The following LPCAT3 variants were observed in gnomAD, a reference collection of about 807,000 sequenced individuals.
LPCAT3 encodes the protein lysophosphatidylcholine acyltransferase 3.
A neutral mutation model predicts 63.4 loss-of-function variants in LPCAT3; 21 were observed. The ratio of observed to expected loss-of-function variants is 0.33; its 90% CI spans 0.23 to 0.48. The LOEUF is 0.48. LPCAT3 is among the 20% of genes least tolerant of loss of function. LPCAT3 has a pLI of 0.99. For missense variants in LPCAT3, 451 were observed against 590.6 expected, an observed-to-expected ratio of 0.76 and a Z score of 2.45; for synonymous variants, 242 against 227.5, an observed-to-expected ratio of 1.06 and a Z score of -0.58.
chr12:6,996,321 G>A (rs1946635643), intron 1 of LPCAT3, among the ~76,000 whole-genome samples: 1 of 152,166 alleles, frequency 6.6e-6, no homozygotes, highest in Admixed American at 6.5e-5. Flanking sequence ...AAGTATCAGT[G>A]AGGACTTCCC....
intron 1 of LPCAT3, among the ~76,000 whole-genome samples, chr12:6,989,164 C>T (rs1341840385): frequency 2.0e-5 from 3 of 151,838 alleles, no homozygotes; most frequent in Non-Finnish European, 2.9e-5. Context: ...TGTAACTGTT[C>T]CTTCTTTTTG....
At position 6,977,524 on chromosome 12, in the gene LPCAT3, G is replaced by A; in HGVS notation, c.1190C>T (p.Ala397Val). ...EFLIVIVERQ[A>V]ARLIQESPTL... ...GGGGCTCTCTTGAATGAGCCTGGCA[G>A]CCTGGGGAGGGAGGAGGAGCTCATC... Residue 397 changes from alanine to valine, a missense_variant and splice_region_variant, in exon 11 of 13, where the codon GCT becomes GTT. Transcript: ENST00000261407. The surrounding 1 kb of genome is among the most constrained non-coding windows in gnomAD (Gnocchi z 4.5). The A allele has an allele frequency of 6.2e-7, 1 of 1,614,194 alleles. No homozygotes were observed.
Position 6,982,796 on chromosome 12 carries a change from G to A in LPCAT3, c.260-14C>T, listed in dbSNP as rs782518117. ...AGAGCTGGTTTCCTGGATGCAAGAA[G>A]AGAGAATTTAGCCTGGTTTTTACAC... is the stretch of plus-strand genomic sequence containing the variant. On this transcript the variant is annotated splice_polypyrimidine_tract_variant and intron_variant, in intron 2 of 12. Coordinates refer to ENST00000261407, the MANE Select transcript of LPCAT3 (RefSeq NM_005768.6). The A allele has an allele frequency of 2.5e-6, 4 of 1,577,658 alleles. No individual in the cohort carries two copies. The highest frequency in any genetic ancestry group is 3.5e-6 in the Non-Finnish European group (4 of 1,147,510).
rs145148905 is a variant in LPCAT3 at position 6,998,895 on chromosome 12, G to A, written c.152-15356C>T. On this transcript the variant is annotated intron_variant, in intron 1 of 12. Transcript: ENST00000261407. ...GTAGATAAGAGACTAAGGTCCAAAG[G>A]GGATAACTGGCATGCCCAAGGTTAA... 1.2e-3 allele frequency among the ~76,000 whole-genome samples: 187 copies of A among 152,314 alleles called. 1 individual carries two copies. Among genetic ancestry groups the A allele is most frequent in the African/African-American group, 4.3e-3 (178 of 41,570 alleles).
chr12:7,009,009 T>C (rs1335268258), intron 1 of LPCAT3, among the ~76,000 whole-genome samples: 1 of 152,208 alleles, frequency 6.6e-6, no homozygotes, highest in Non-Finnish European at 1.5e-5. Context: ...CTGTCAGGCC[T>C]ACAAATGGGA....
intron 1 of LPCAT3, among the ~76,000 whole-genome samples, chr12:7,004,898 C>T (rs958828785): frequency 6.6e-6 from 1 of 152,196 alleles, no homozygotes; most frequent in African/African-American, 2.4e-5. Context: ...TATTCTATCC[C>T]TACTTGAGCA....
intron 1 of LPCAT3, among the ~76,000 whole-genome samples, chr12:6,984,507 T>G (rs1206858314): frequency 6.6e-6 from 1 of 152,262 alleles, no homozygotes; most frequent in African/African-American, 2.4e-5. Flanking sequence ...AACTGCTTTT[T>G]GGAAAGACAT....
intron 1 of LPCAT3, among the ~76,000 whole-genome samples, chr12:7,001,950 G>A (rs140587906): frequency 6.6e-6 from 1 of 152,316 alleles, no homozygotes; most frequent in South Asian, 2.1e-4. Context: ...TGGGAGTCGG[G>A]GGGGAGTTGA....
intron 1 of LPCAT3, among the ~76,000 whole-genome samples, chr12:6,984,351 A>G (rs1555154545): frequency 6.6e-6 from 1 of 152,216 alleles, no homozygotes; most frequent in Non-Finnish European, 1.5e-5. Flanking sequence ...AAAACGGTCA[A>G]TAAAATTTGG....
chr12:6,977,456 A>G lies in LPCAT3; in HGVS notation c.1258T>C (p.Tyr420His). Residue 420 changes from tyrosine to histidine, a missense_variant, in exon 11 of 13, where the codon TAC becomes CAC. By Grantham distance (83) the Tyr-to-His change is moderately conservative. This residue lies in a region of LPCAT3 where 304 missense variants were observed against 390.8 expected (regional missense o/e 0.78). Transcript: ENST00000261407. This position sits in a 1 kb window ranked among gnomAD's most constrained non-coding sequence, Gnocchi z 4.5. ...LAAITVLQPF[Y>H]YLVQQTIHWL... ...TGGATGGTCTGTTGCACCAAATAGT[A>G]GAAGGGCTGGAGGACAGTAATGGCG... The G allele has an allele frequency of 1.2e-6, 2 of 1,614,222 alleles. No individual in the cohort carries two copies. The highest frequency in any genetic ancestry group is 1.7e-6 in the Non-Finnish European group (2 of 1,180,040).
chr12:6,983,858 G>A (rs1946496743), intron 1 of LPCAT3, among the ~76,000 whole-genome samples: 1 of 152,134 alleles, frequency 6.6e-6, no homozygotes, highest in South Asian at 2.1e-4. Context: ...AATGATACAA[G>A]GAAGCTAGGC....
chr12:6,977,687 A>T lies in LPCAT3; in HGVS notation c.1099T>A (p.Leu367Met), dbSNP rs1946423577. 1 of 1,614,138 alleles carries T rather than the reference A, an allele frequency of 6.2e-7. No homozygotes were observed. Among genetic ancestry groups the T allele is most frequent in the African/African-American group, 1.3e-5 (1 of 74,952 alleles). ...GNKELSQGLS[L>M]LFLALWHGLH... is the part of the protein sequence containing the mutation. ...CCGTGCCAGAGGGCCAGGAATAGCA[A>T]CGAGAGACCCTGAGAGAGTTCTTTA... Residue 367 changes from leucine to methionine, a missense_variant, in exon 10 of 13, where the codon TTG (leucine) becomes ATG (methionine). Leu to Met is a conservative substitution (Grantham distance 15, BLOSUM62 2). Transcript: ENST00000261407. The surrounding 1 kb of genome is among the most constrained non-coding windows in gnomAD (Gnocchi z 4.5).
intron 1 of LPCAT3, among the ~76,000 whole-genome samples, chr12:7,016,309 C>T (rs1946797409): frequency 1.3e-5 from 2 of 149,250 alleles, no homozygotes; most frequent in African/African-American, 4.9e-5. Flanking sequence ...CAGAGTCTTG[C>T]TCTGTCACCC....
intron 1 of LPCAT3, among the ~76,000 whole-genome samples, chr12:6,989,378 C>T (rs1321350740): frequency 6.7e-6 from 1 of 148,466 alleles, no homozygotes; most frequent in African/African-American, 2.5e-5. Context: ...GGTGCAATCT[C>T]GGCTCACTGC....
chr12:6,994,313 TTCTCCTGTCTCAG>T (rs1555155835), intron 1 of LPCAT3, among the ~76,000 whole-genome samples: 6 of 152,276 alleles, frequency 3.9e-5, no homozygotes, highest in Admixed American at 3.9e-4. Flanking sequence ...GTTCAAGTGA[TTCTCCTGTCTCAG>T]CCTCCCGAGT....
rs868976370 is a variant in LPCAT3 at position 6,982,569 on chromosome 12, G to T, written c.366+107C>A. ...GTCATACTGCTAAGTGCTGGGAGAG[G>T]GGTTAGAAATTAGGTCTGCTAATTT... is the stretch of plus-strand genomic sequence containing the variant. On this transcript the variant is annotated intron_variant, in intron 3 of 12. Transcript: ENST00000261407. 48 of 768,560 alleles carry T rather than the reference G, an allele frequency of 6.2e-5. No individual in the cohort carries two copies. In the Middle Eastern group the frequency reaches 1.1e-3, roughly 18 times the overall value. The allele number at this position is 768,560 out of a possible 1,614,324, so 47.6% of individuals were successfully genotyped here.
chr12:7,012,340 G>A (rs976220780), intron 1 of LPCAT3, among the ~76,000 whole-genome samples: 10 of 151,848 alleles, frequency 6.6e-5, no homozygotes, highest in East Asian at 1.9e-4. Context: ...CAATCTCAGC[G>A]GTAAAGAGCA....
At chr12:6,984,253 A>G (rs782452066) in intron 1 of LPCAT3, among the ~76,000 whole-genome samples, 13 of 152,278 alleles carry the variant, frequency 8.5e-5, no homozygotes, top group Non-Finnish European at 1.9e-4. Flanking sequence ...GATTCAGAGT[A>G]TAGTCCAAAG....
chr12:6,994,270 TG>T (rs753701810), intron 1 of LPCAT3, among the ~76,000 whole-genome samples: 1 of 152,198 alleles, frequency 6.6e-6, no homozygotes, highest in Non-Finnish European at 1.5e-5. Context: ...TGCAGTGGCA[TG>T]ATCTTGGCTC....
Sources: gnomAD v4.1 joint callset for allele counts (sites outside exome capture counted in the v4.1 genomes callset) on GRCh38, gnomAD v4.1.1 for gene constraint, gnomAD v4.1.1 regional missense constraint, Gnocchi (gnomAD v3.1) non-coding constraint, MANE v1.5 for transcripts, NCBI Gene and HGNC (gene_info 2026-07-23, HGNC 2026-07-21) for gene names.